The following LARP1 variants were observed in gnomAD, a reference collection of about 807,000 sequenced individuals.
LARP1 encodes la-related protein 1.
In LARP1, 36 loss-of-function variants were observed where a neutral mutation model predicts 122.7. The ratio of observed to expected loss-of-function variants is 0.29; its 90% CI spans 0.22 to 0.39. LARP1 has a LOEUF of 0.39. LARP1 is among the 10% of genes least tolerant of loss of function. The pLI is 1.00. For synonymous variants in LARP1, 539 were observed against 528.7 expected (o/e 1.02, Z -0.27); for missense variants, 1,040 against 1,403.6 (o/e 0.74, Z 4.14).
intron 1 of LARP1, among the ~76,000 whole-genome samples, chr5:154,737,816 G>A (rs1472371294): frequency 2.6e-5 from 4 of 151,672 alleles, no homozygotes; most frequent in South Asian, 2.1e-4. Flanking sequence ...CCCCGCCCCT[G>A]CCCCTCCTTG....
intron 8 of LARP1, among the ~76,000 whole-genome samples, chr5:154,798,511 C>T (rs537900244): frequency 1.6e-4 from 24 of 152,234 alleles, no homozygotes; most frequent in Admixed American, 1.6e-3. Context: ...ACTGCTGCTC[C>T]TATAGATGGA....
At chr5:154,702,284 G>A (rs916254731) in intron 1 of LARP1, among the ~76,000 whole-genome samples, 20 of 152,262 alleles carry the variant, frequency 1.3e-4, no homozygotes, top group Admixed American at 9.2e-4. Flanking sequence ...GGCCAGGTGC[G>A]GTGGCTCATG....
At chr5:154,691,261 CAAA>C (rs569760689) in intron 1 of LARP1, among the ~76,000 whole-genome samples, 2 of 115,722 alleles carry the variant, frequency 1.7e-5, no homozygotes, top group African/African-American at 6.8e-5. Context: ...GACTCCGTCT[CAAA>C]AAAAAAAAAA....
chr5:154,781,706 G>A (rs1317842322), intron 1 of LARP1, among the ~76,000 whole-genome samples: 3 of 152,222 alleles, frequency 2.0e-5, no homozygotes, highest in East Asian at 3.8e-4. Context: ...CTTTGAATGC[G>A]TCCTGACACA....
chr5:154,762,077 C>G (rs1266012671), intron 1 of LARP1, among the ~76,000 whole-genome samples: 1 of 152,066 alleles, frequency 6.6e-6, no homozygotes, highest in Non-Finnish European at 1.5e-5. Flanking sequence ...CTCGTCTCTA[C>G]TAAAAATACA....
chr5:154,744,841 T>G (rs1291203099), intron 1 of LARP1, among the ~76,000 whole-genome samples: 1 of 132,130 alleles, frequency 7.6e-6, no homozygotes, highest in Non-Finnish European at 1.6e-5. Flanking sequence ...GTTTCACCGT[T>G]TTAGCCGGGA....
intron 1 of LARP1, among the ~76,000 whole-genome samples, chr5:154,764,464 G>A (rs953562893): frequency 6.6e-6 from 1 of 151,480 alleles, no homozygotes; most frequent in African/African-American, 2.4e-5. Flanking sequence ...AACTGGGTGT[G>A]GTGGTGCATT....
Position 154,702,640 on chromosome 5 carries a change from C to A in LARP1, c.-180+19603C>A, listed in dbSNP as rs144421338. On this transcript the variant is annotated intron_variant, in intron 1 of 18. Transcript: ENST00000687700. ...CTTACAAGGCAAAAGGCATTGATAG[C>A]AACAACTCTAGAAAGCATGACTGAG... 2.1e-3 allele frequency among the ~76,000 whole-genome samples: 325 copies of A among 152,110 alleles called. 3 individuals carry two copies. The highest frequency in any genetic ancestry group is 7.3e-3 in the African/African-American group (301 of 41,492).
At chr5:154,812,839 C>G (rs1759395398) in intron 18 of LARP1, among the ~76,000 whole-genome samples, 1 of 151,966 alleles carries the variant, frequency 6.6e-6, no homozygotes, top group South Asian at 2.1e-4. Context: ...ATAAGACCGT[C>G]AGATCTTGTG....
chr5:154,751,955 C>T, upstream of LARP1, among the ~76,000 whole-genome samples: 1 of 151,914 alleles, frequency 6.6e-6, no homozygotes, highest in East Asian at 1.9e-4. Context: ...AATTCAAATC[C>T]CAATTCCATC....
At chr5:154,719,752 C>T (rs943900645) in intron 1 of LARP1, among the ~76,000 whole-genome samples, 2 of 151,224 alleles carry the variant, frequency 1.3e-5, no homozygotes, top group South Asian at 4.2e-4. Context: ...ATCCCAGCTA[C>T]ACAGGAGCCT....
At chr5:154,801,372 G>C (rs962852151) in intron 10 of LARP1, among the ~76,000 whole-genome samples, 12 of 152,282 alleles carry the variant, frequency 7.9e-5, no homozygotes, top group African/African-American at 2.9e-4. Flanking sequence ...TTAACTGTGT[G>C]CATCCACAAA....
In LARP1 at chr5:154,795,121, C is replaced by T. The variant is rs543050791; in HGVS notation, c.1233-54C>T. ...TGTAGCAGAACAAGGAAGGCATACTCATAAAACTGATGCACCAATCCCTCG... is the reference window on the plus strand; with the variant it reads ...TGTAGCAGAACAAGGAAGGCATACTTATAAAACTGATGCACCAATCCCTCG... On this transcript the variant is annotated intron_variant, in intron 7 of 18. Coordinates refer to ENST00000518297, the MANE Select transcript of LARP1 (RefSeq NM_033551.3). 3.8e-6 allele frequency: 6 copies of T among 1,566,142 alleles called. No homozygotes were observed. In the African/African-American group the frequency reaches 5.4e-5, roughly 14 times the overall value.
chr5:154,706,610 A>G (rs764388541), intron 1 of LARP1, among the ~76,000 whole-genome samples: 2 of 151,944 alleles, frequency 1.3e-5, no homozygotes, highest in Admixed American at 6.6e-5. Flanking sequence ...ATCCTGTACT[A>G]TGCTTGTTAC....
At chr5:154,725,396 A>T (rs1380120540) in intron 1 of LARP1, among the ~76,000 whole-genome samples, 1 of 150,572 alleles carries the variant, frequency 6.6e-6, no homozygotes, top group Non-Finnish European at 1.5e-5. Flanking sequence ...CTCAAAAAAA[A>T]AAAAAAAAAA....
intron 8 of LARP1, among the ~76,000 whole-genome samples, chr5:154,796,045 A>T (rs1757779468): frequency 1.7e-5 from 2 of 115,768 alleles, no homozygotes; most frequent in African/African-American, 7.0e-5. Context: ...TATATATTAT[A>T]TATTTATATA....
At position 154,814,047 on chromosome 5, in the gene LARP1, A is replaced by G. The variant is rs1171841583; in HGVS notation, c.3242A>G (p.Asp1081Gly). ...TPPTGQPVRE[D>G]AKWTSQHSNT... ...CCCACCGGCCAGCCTGTCCGGGAAG[A>G]TGCCAAATGGACAAGCCAGCACTCG... Residue 1081 changes from aspartate to glycine, a missense_variant, in exon 19 of 19, where the codon GAT becomes GGT. Asp to Gly is a moderately conservative substitution (Grantham distance 94). Around this residue, in one of 8 missense-constraint regions of LARP1, gnomAD observed 129 missense variants for 160.8 expected, o/e 0.80. Transcript: ENST00000518297. The G allele has an allele frequency of 2.5e-6, 4 of 1,614,018 alleles. No homozygotes were observed. The highest frequency in any genetic ancestry group is 3.4e-6 in the Non-Finnish European group (4 of 1,180,020).
intron 1 of LARP1, among the ~76,000 whole-genome samples, chr5:154,693,222 C>G (rs1754307228): frequency 6.6e-6 from 1 of 151,018 alleles, no homozygotes; most frequent in African/African-American, 2.4e-5. Context: ...ACTGCAGCCT[C>G]AAACTGTTGG....
chr5:154,769,053 G>A (rs1755188938), intron 1 of LARP1, among the ~76,000 whole-genome samples: 1 of 152,198 alleles, frequency 6.6e-6, no homozygotes, highest in South Asian at 2.1e-4. Flanking sequence ...TGGCCAGGCT[G>A]GTCTTGAACT....
Sources: allele counts gnomAD v4.1 joint callset (sites outside exome capture counted in the v4.1 genomes callset), GRCh38; gene constraint gnomAD v4.1.1; regional missense constraint gnomAD v4.1.1; transcripts MANE v1.5; gene names NCBI Gene and HGNC (gene_info 2026-07-23, HGNC 2026-07-21).